MYL3: variants seen among roughly 807,000 people sequenced by gnomAD.
The protein encoded by MYL3 is myosin light chain 3.
A neutral mutation model predicts 21.3 loss-of-function variants in MYL3; 11 were observed. The observed-to-expected ratio is 0.52, with a 90% CI of 0.32 to 0.85. MYL3 has a LOEUF of 0.85. Among genes scored for constraint, MYL3 ranks in the 40% least tolerant of loss-of-function variants. The pLI is 0.03. For missense variants in MYL3, 206 were observed against 253.3 expected (o/e 0.81, Z 1.27); for synonymous variants, 88 against 91.6 (o/e 0.96, Z 0.22).
At chr3:46,871,902 C>A (rs1396686515) in intron 1 of MYL3, among the ~76,000 whole-genome samples, 1 of 152,190 alleles carries the variant, frequency 6.6e-6, no homozygotes, top group Non-Finnish European at 1.5e-5. Flanking sequence ...GACACTGGAG[C>A]ATCATCCTCC....
At chr3:46,862,146 A>G (rs1172449623) in intron 1 of MYL3, among the ~76,000 whole-genome samples, 1 of 152,080 alleles carries the variant, frequency 6.6e-6, no homozygotes, top group Non-Finnish European at 1.5e-5. Flanking sequence ...GTCTGTGCCA[A>G]CCTAAGGCCT....
chr3:46,872,296 G>A (rs866336122), intron 1 of MYL3, among the ~76,000 whole-genome samples: 1 of 152,230 alleles, frequency 6.6e-6, no homozygotes, highest in African/African-American at 2.4e-5. Context: ...GGAGGGGCTG[G>A]GGAGTTCCTG....
Position 46,861,414 on chromosome 3 carries a change from T to G in MYL3, c.130-427A>C, listed in dbSNP as rs1178276496. Among the ~76,000 whole-genome samples, 1 of 151,878 alleles carries G rather than the reference T, an allele frequency of 6.6e-6. No homozygotes were observed. Among genetic ancestry groups the G allele is most frequent in the African/African-American group, 2.4e-5 (1 of 41,314 alleles). ...AAAAGTGAGATGGGAGGGCCCAGGG[T>G]GGTAGAAGGAGTAAGGGCAATGGTA... On this transcript the variant is annotated intron_variant, in intron 1 of 6. Coordinates refer to ENST00000292327, the MANE Select transcript of MYL3 (RefSeq NM_000258.3). The surrounding 1 kb of genome is among the most constrained non-coding windows in gnomAD (Gnocchi z 4.2).
At chr3:46,871,042 GCACACATGTATA>G (rs1352414355) in intron 1 of MYL3, among the ~76,000 whole-genome samples, 4 of 152,128 alleles carry the variant, frequency 2.6e-5, no homozygotes, top group African/African-American at 9.7e-5. Flanking sequence ...ATATACTTTT[GCACACATGTATA>G]CACACATTCA....
upstream of MYL3, among the ~76,000 whole-genome samples, chr3:46,868,260 T>C (rs1238147535): frequency 6.6e-6 from 1 of 152,186 alleles, no homozygotes; most frequent in East Asian, 1.9e-4. Flanking sequence ...CCTCTTGGCC[T>C]CAGTTTCCCC....
In MYL3 at chr3:46,861,174, C is replaced by T. The variant is rs1443594780; in HGVS notation, c.130-187G>A. Reference sequence around the variant, plus strand: ...CCTCCTGCCTCCTTGCCCCCCTCCACCTCTCCAGCCAGAAGGCCTTGAGGC... The same window carrying T: ...CCTCCTGCCTCCTTGCCCCCCTCCATCTCTCCAGCCAGAAGGCCTTGAGGC... On this transcript the variant is annotated intron_variant, in intron 1 of 6. Transcript: ENST00000292327. This position sits in a 1 kb window ranked among gnomAD's most constrained non-coding sequence, Gnocchi z 4.2. Among the ~76,000 whole-genome samples, 3 of 152,176 alleles carry T rather than the reference C, an allele frequency of 2.0e-5. No homozygotes were observed. The highest frequency in any genetic ancestry group is 4.4e-5 in the Non-Finnish European group (3 of 68,032).
chr3:46,881,383 C>G (rs2030549412), intron 1 of MYL3, among the ~76,000 whole-genome samples: 1 of 152,226 alleles, frequency 6.6e-6, no homozygotes, highest in Non-Finnish European at 1.5e-5. Flanking sequence ...CCTTGCCTTC[C>G]CCTAAGTCGA....
intron 1 of MYL3, among the ~76,000 whole-genome samples, chr3:46,872,189 G>A (rs2029957744): frequency 6.6e-6 from 1 of 152,202 alleles, no homozygotes; most frequent in African/African-American, 2.4e-5. Flanking sequence ...TCTCAGTGAG[G>A]GGCAGAGGGC....
At position 46,861,034 on chromosome 3, in the gene MYL3, G is replaced by A. The variant is rs759706176; in HGVS notation, c.130-47C>T. On this transcript the variant is annotated intron_variant, in intron 1 of 6. Coordinates refer to ENST00000292327, the MANE Select transcript of MYL3 (RefSeq NM_000258.3). The surrounding 1 kb of genome is among the most constrained non-coding windows in gnomAD (Gnocchi z 4.2). ...TCAGATGCCCGGCTTAAAAGGTGGGGCCACACCTCCTCCTGGGCACTCGGT... is the reference window on the plus strand; with the variant it reads ...TCAGATGCCCGGCTTAAAAGGTGGGACCACACCTCCTCCTGGGCACTCGGT... The A allele has an allele frequency of 6.2e-7, 1 of 1,609,926 alleles. No homozygotes were observed. Among genetic ancestry groups the A allele is most frequent in the Non-Finnish European group, 8.5e-7 (1 of 1,176,648 alleles).
upstream of MYL3, chr3:46,863,601 T>C: frequency 1.8e-6 from 1 of 561,164 alleles, no homozygotes. Context: ...GGCTCAGGAA[T>C]GGGTAGTGGA....
At chr3:46,881,755 G>A (rs910897308) in intron 1 of MYL3, among the ~76,000 whole-genome samples, 18 of 152,074 alleles carry the variant, frequency 1.2e-4, no homozygotes, top group African/African-American at 4.3e-4. Flanking sequence ...CAGCAGCCAA[G>A]CCGGGCTCGG....
At chr3:46,868,281 T>G (rs1008957322), upstream of MYL3, among the ~76,000 whole-genome samples, 1 of 152,184 alleles carries the variant, frequency 6.6e-6, no homozygotes, top group African/African-American at 2.4e-5. Context: ...ACCTGTACCA[T>G]GGCCATGGGT....
At chr3:46,880,031 CAAAAA>C (rs889495536) in intron 1 of MYL3, among the ~76,000 whole-genome samples, 1 of 152,066 alleles carries the variant, frequency 6.6e-6, no homozygotes, top group African/African-American at 2.4e-5. Context: ...AGCCCTGTCT[CAAAAA>C]AGAAAAGAAA....
intron 1 of MYL3, among the ~76,000 whole-genome samples, chr3:46,862,916 C>T (rs1406953569): frequency 6.6e-6 from 1 of 152,246 alleles, no homozygotes; most frequent in Non-Finnish European, 1.5e-5. Context: ...CTGCCTGGCT[C>T]CAGCTGACTC....
rs1405221473 is a variant in MYL3 at position 46,860,998 on chromosome 3, AC to A, written c.130-12del. On this transcript the variant is annotated splice_polypyrimidine_tract_variant and intron_variant, in intron 1 of 6. Coordinates refer to ENST00000292327, the MANE Select transcript of MYL3 (RefSeq NM_000258.3). The surrounding 1 kb of genome is among the most constrained non-coding windows in gnomAD (Gnocchi z 4.6). ...AGGTGTGAACTCAATCTGAAAAGAG[AC>A]CCCAAAGACTCAGATGCCCGGCTTA... The A allele has an allele frequency of 6.2e-7, 1 of 1,613,418 alleles. No homozygotes were observed. Among genetic ancestry groups the A allele is most frequent in the African/African-American group, 1.3e-5 (1 of 74,684 alleles).
intron 1 of MYL3, among the ~76,000 whole-genome samples, chr3:46,868,596 C>T (rs1427579294): frequency 6.6e-6 from 1 of 152,172 alleles, no homozygotes. Flanking sequence ...GTGTCCTGGC[C>T]GGCTGTGGCC....
In MYL3 at chr3:46,874,798, A is replaced by C. The variant is rs1334694682; in HGVS notation, c.-218+7276T>G. Among the ~76,000 whole-genome samples, 3 of 152,148 alleles carry C rather than the reference A, an allele frequency of 2.0e-5. No homozygotes were observed. Among genetic ancestry groups the C allele is most frequent in the Admixed American group, 2.0e-4 (3 of 15,288 alleles). On this transcript the variant is annotated intron_variant, in intron 1 of 3. Coordinates refer to the MYL3 transcript ENST00000431168. This position sits in a 1 kb window ranked among gnomAD's most constrained non-coding sequence, Gnocchi z 4.1. ...TTTACAACCACTGGAGCGGGAAATC[A>C]CACTCTACCCAGAAGGCGTCTGGGA...
chr3:46,875,628 T>TC (rs34780376), intron 1 of MYL3, among the ~76,000 whole-genome samples: 2 of 152,156 alleles, frequency 1.3e-5, no homozygotes, highest in East Asian at 3.9e-4. Context: ...TCCCAACTGC[T>TC]CCACAATGTG....
intron 1 of MYL3, among the ~76,000 whole-genome samples, chr3:46,876,018 G>A (rs757818458): frequency 1.1e-4 from 16 of 152,228 alleles, no homozygotes; most frequent in Admixed American, 4.6e-4. Flanking sequence ...CAGGAGGAAC[G>A]CAAACTGGCA....
Sources: allele counts gnomAD v4.1 joint callset (sites outside exome capture counted in the v4.1 genomes callset), GRCh38; gene constraint gnomAD v4.1.1; non-coding constraint Gnocchi (gnomAD v3.1); transcripts MANE v1.5; gene names NCBI Gene and HGNC (gene_info 2026-07-23, HGNC 2026-07-21).